Variants in FAM13A observed in about 807,000 individuals in gnomAD.
FAM13A encodes family with sequence similarity 13 member A.
Under a neutral mutation model 129.6 loss-of-function variants are expected in FAM13A, and 76 were observed. The observed-to-expected ratio is 0.59, with a 90% CI of 0.49 to 0.71. The LOEUF (loss-of-function observed/expected upper bound fraction) is 0.71, where lower values mean the gene tolerates loss of function less well. FAM13A is among the 30% of genes least tolerant of loss of function. The pLI is 0.00. For missense variants in FAM13A, 1,108 were observed against 1,249.3 expected (o/e 0.89, Z 1.70); for synonymous variants, 443 against 449.9 (o/e 0.98, Z 0.20).
At chr4:89,033,349 G>C (rs1170550077) in intron 1 of FAM13A, among the ~76,000 whole-genome samples, 2 of 152,090 alleles carry the variant, frequency 1.3e-5, no homozygotes, top group Non-Finnish European at 1.5e-5. Context: ...AGAAACTCTA[G>C]GAAGGAAGAT....
intron 3 of FAM13A, among the ~76,000 whole-genome samples, chr4:88,996,981 T>G (rs1193897939): frequency 6.6e-6 from 1 of 152,226 alleles, no homozygotes; most frequent in East Asian, 1.9e-4. Context: ...ATTTAGTCCA[T>G]TTATAGAATT....
chr4:89,020,206 A>G (rs1167355185), intron 3 of FAM13A, among the ~76,000 whole-genome samples: 1 of 152,056 alleles, frequency 6.6e-6, no homozygotes, highest in African/African-American at 2.4e-5. Flanking sequence ...AAGACCACAA[A>G]TATTTAAAAA....
At chr4:88,882,828 TA>T (rs1743810261) in intron 6 of FAM13A, among the ~76,000 whole-genome samples, 1 of 152,094 alleles carries the variant, frequency 6.6e-6, no homozygotes, top group Non-Finnish European at 1.5e-5. Context: ...AAAAGATATT[TA>T]ATGCAAATGG....
chr4:88,927,090 T>G (rs1209433590), intron 5 of FAM13A, among the ~76,000 whole-genome samples: 2 of 152,148 alleles, frequency 1.3e-5, no homozygotes, highest in Admixed American at 6.5e-5. Context: ...TCCATAAGAC[T>G]GGGATGTTTT....
chr4:89,044,026 A>T (rs1218433838), intron 1 of FAM13A, among the ~76,000 whole-genome samples: 1 of 149,466 alleles, frequency 6.7e-6, no homozygotes, highest in South Asian at 2.1e-4. Context: ...TGAGTCCAGG[A>T]GGTCAAGGTT....
At chr4:88,786,419 A>G (rs1030683602) in intron 10 of FAM13A, among the ~76,000 whole-genome samples, 3 of 152,254 alleles carry the variant, frequency 2.0e-5, no homozygotes, top group Admixed American at 6.5e-5. Context: ...TGCTTTCTCT[A>G]TAACACATTA....
At chr4:88,917,283 T>C (rs1482886558) in intron 5 of FAM13A, among the ~76,000 whole-genome samples, 1 of 151,578 alleles carries the variant, frequency 6.6e-6, no homozygotes, top group Non-Finnish European at 1.5e-5. Context: ...AAGGGGGAGG[T>C]GCCAGGCTCT....
At chr4:88,923,105 G>A (rs915147387) in intron 5 of FAM13A, among the ~76,000 whole-genome samples, 20 of 152,044 alleles carry the variant, frequency 1.3e-4, no homozygotes, top group African/African-American at 4.6e-4. Context: ...ATTCACAGCC[G>A]AATTCTACCA....
intron 13 of FAM13A, among the ~76,000 whole-genome samples, chr4:88,760,793 T>G (rs1452746710): frequency 6.6e-6 from 1 of 151,986 alleles, no homozygotes; most frequent in Non-Finnish European, 1.5e-5. Context: ...TCTCAGCTTT[T>G]TAAATTACAA....
chr4:88,914,385 G>A (rs1749739432), intron 5 of FAM13A, among the ~76,000 whole-genome samples: 1 of 152,098 alleles, frequency 6.6e-6, no homozygotes, highest in Admixed American at 6.5e-5. Flanking sequence ...CAATGATCTA[G>A]CTCTTGCCTA....
intron 13 of FAM13A, among the ~76,000 whole-genome samples, chr4:88,759,697 T>A (rs1210465290): frequency 6.6e-6 from 1 of 152,190 alleles, no homozygotes; most frequent in Admixed American, 6.5e-5. Flanking sequence ...TTTCCTACTA[T>A]TCATCTACTC....
At chr4:88,944,667 C>T (rs545786893) in intron 4 of FAM13A, among the ~76,000 whole-genome samples, 17 of 152,152 alleles carry the variant, frequency 1.1e-4, no homozygotes, top group African/African-American at 2.9e-4. Flanking sequence ...TTTGGGAGGC[C>T]GAGGCAGGTA....
At chr4:88,823,392 T>C in intron 7 of FAM13A, 1 of 934,430 alleles carries the variant, frequency 1.1e-6, no homozygotes, top group Non-Finnish European at 1.3e-6. Context: ...CTCCTCCTCC[T>C]TCTCTCCTCC....
intron 6 of FAM13A, among the ~76,000 whole-genome samples, chr4:88,899,830 C>T (rs966677031): frequency 3.9e-5 from 6 of 152,026 alleles, no homozygotes; most frequent in Non-Finnish European, 7.4e-5. Context: ...TAATAAAGAA[C>T]TTCACTGAGC....
At chr4:88,809,957 A>G (rs1729349179) in intron 7 of FAM13A, among the ~76,000 whole-genome samples, 1 of 150,552 alleles carries the variant, frequency 6.6e-6, no homozygotes, top group Non-Finnish European at 1.5e-5. Flanking sequence ...GGTGGGGGAT[A>G]TTTTACAATT....
chr4:88,798,951 A>G (rs1365942282), intron 8 of FAM13A, among the ~76,000 whole-genome samples: 1 of 152,222 alleles, frequency 6.6e-6, no homozygotes, highest in African/African-American at 2.4e-5. Flanking sequence ...GCTGAGGTAT[A>G]AAGAGGTAAA....
intron 11 of FAM13A, among the ~76,000 whole-genome samples, chr4:88,769,619 G>A (rs1720215748): frequency 6.6e-6 from 1 of 152,004 alleles, no homozygotes; most frequent in Admixed American, 6.6e-5. Context: ...AGATCACGAG[G>A]TCAAGAGATC....
chr4:88,923,786 T>C lies in FAM13A; in HGVS notation c.759+14302A>G, dbSNP rs562643876. ...GTGTCCCTGTTTGCAGATGACATGA[T>C]TGTATATCTAGAAAACCCCATTGTC... On this transcript the variant is annotated intron_variant, in intron 5 of 23. Coordinates refer to ENST00000264344, the MANE Select transcript of FAM13A (RefSeq NM_014883.4). Among the ~76,000 whole-genome samples, 996 of 152,222 alleles carry C rather than the reference T, an allele frequency of 6.5e-3. 17 individuals carry two copies. The highest frequency in any genetic ancestry group is 0.023 in the African/African-American group (952 of 41,530).
chr4:88,915,973 G>A (rs1222173435), intron 5 of FAM13A, among the ~76,000 whole-genome samples: 1 of 151,988 alleles, frequency 6.6e-6, no homozygotes, highest in East Asian at 1.9e-4. Flanking sequence ...AGAAGCAGAT[G>A]CTGGTGCTAT....
Sources: allele counts gnomAD v4.1 joint callset (sites outside exome capture counted in the v4.1 genomes callset), GRCh38; gene constraint gnomAD v4.1.1; transcripts MANE v1.5; gene names NCBI Gene and HGNC (gene_info 2026-07-23, HGNC 2026-07-21).